MAPKAPK2: variants seen among roughly 807,000 people sequenced by gnomAD.
MAPKAPK2 encodes the protein MAP kinase-activated protein kinase 2.
Under a neutral mutation model 48.8 loss-of-function variants are expected in MAPKAPK2, and 9 were observed. The ratio of observed to expected loss-of-function variants is 0.18; its 90% CI spans 0.11 to 0.32. The LOEUF is 0.32. Among genes scored for constraint, MAPKAPK2 ranks in the 10% least tolerant of loss-of-function variants. MAPKAPK2 has a pLI of 1.00. For synonymous variants in MAPKAPK2, 202 were observed against 190.6 expected, an observed-to-expected ratio of 1.06 and a Z score of -0.49; for missense variants, 331 against 498.3, an observed-to-expected ratio of 0.66 and a Z score of 3.20.
chr1:206,729,007 T>G (rs1267105256), intron 2 of MAPKAPK2, 28 bp from the exon 3 acceptor site: 40 of 1,613,850 alleles, frequency 2.5e-5, no homozygotes, highest in African/African-American at 2.7e-5. Flanking sequence ...TGTTGTGTTC[T>G]CTGGATCTCA....
chr1:206,715,697 G>A (rs1446502296), intron 1 of MAPKAPK2, among the ~76,000 whole-genome samples: 1 of 136,582 alleles, frequency 7.3e-6, no homozygotes, highest in African/African-American at 2.8e-5. Flanking sequence ...TACGATCATT[G>A]GCTCACTGCA....
chr1:206,729,065 C>A lies in MAPKAPK2; in HGVS notation c.450C>A (p.Ile150=), dbSNP rs373917585. 1.9e-6 allele frequency: 3 copies of A among 1,614,058 alleles called. No individual in the cohort carries two copies. The highest frequency in any genetic ancestry group is 2.5e-6 in the Non-Finnish European group (3 of 1,180,044). Residue 150 remains isoleucine (I), a synonymous_variant, in exon 3 of 10, where the codon ATC becomes ATA. Transcript: ENST00000367103. ...CLDGGELFSR[I]QDRGDQAFTE... is the part of the protein sequence containing the mutation. The stretch of plus-strand genomic sequence containing the variant: ...ACGGTGGAGAACTCTTTAGCCGAAT[C>A]CAGGATCGAGGAGACCAGGCATTCA...
intron 1 of MAPKAPK2, among the ~76,000 whole-genome samples, chr1:206,688,469 G>T (rs1672351161): frequency 6.6e-6 from 1 of 152,176 alleles, no homozygotes; most frequent in African/African-American, 2.4e-5. Flanking sequence ...GGTCAGCGAA[G>T]GGGGCTGGAT....
chr1:206,715,553 C>T (rs1426931279), intron 1 of MAPKAPK2, among the ~76,000 whole-genome samples: 1 of 150,946 alleles, frequency 6.6e-6, no homozygotes, highest in East Asian at 1.9e-4. Flanking sequence ...AATGCATTCC[C>T]TTTTGGGATC....
chr1:206,688,975 T>A (rs1161434404), intron 1 of MAPKAPK2, among the ~76,000 whole-genome samples: 1 of 152,154 alleles, frequency 6.6e-6, no homozygotes, highest in African/African-American at 2.4e-5. Context: ...TCAACCCACT[T>A]GTGTATTAAT....
chr1:206,708,757 G>A lies in MAPKAPK2; in HGVS notation c.280-19953G>A, dbSNP rs116857435. On this transcript the variant is annotated intron_variant, in intron 1 of 9. Transcript: ENST00000367103. The stretch of plus-strand genomic sequence containing the variant: ...GTTTTATTACCTAATTAATTCCCTC[G>A]TGTTGTTTCCCAATCATCCCAACAC... 3.5e-3 allele frequency among the ~76,000 whole-genome samples: 539 copies of A among 152,198 alleles called. 3 individuals are homozygous for A. Among genetic ancestry groups the A allele is most frequent in the Non-Finnish European group, 4.1e-3 (280 of 68,024 alleles).
At chr1:206,685,619 G>A in intron 1 of MAPKAPK2, 111 bp downstream of exon 1, 1 of 854,204 alleles carries the variant, frequency 1.2e-6, no homozygotes, top group Non-Finnish European at 1.4e-6. Context: ...AGGGGTGGCC[G>A]CGGCGGGGCG....
chr1:206,711,046 A>G (rs1226893448), intron 1 of MAPKAPK2, among the ~76,000 whole-genome samples: 1 of 152,184 alleles, frequency 6.6e-6, no homozygotes, highest in Non-Finnish European at 1.5e-5. Flanking sequence ...CTCATTGGTG[A>G]TTAGGGTTGC....
chr1:206,690,093 G>A (rs1376971651), intron 1 of MAPKAPK2, among the ~76,000 whole-genome samples: 1 of 152,224 alleles, frequency 6.6e-6, no homozygotes, highest in Non-Finnish European at 1.5e-5. Flanking sequence ...GTGGTCAGGG[G>A]TTGGTGGCTC....
rs545910954 is a variant in MAPKAPK2, at chr1:206,732,802, C to T, written c.*84C>T. On this transcript the variant is annotated 3_prime_UTR_variant, in exon 10 of 10. Coordinates refer to ENST00000367103, the MANE Select transcript of MAPKAPK2 (RefSeq NM_032960.4). This position sits in a 1 kb window ranked among gnomAD's most constrained non-coding sequence, Gnocchi z 4.4. The stretch of plus-strand genomic sequence containing the variant: ...TTTTAAACGAAGAGACAGAACTGTC[C>T]ACATCTGCCTCCTCTCCTCCTCAGC... 6.8e-7 allele frequency: 1 copy of T among 1,467,794 alleles called. No individual in the cohort carries two copies. The highest frequency in any genetic ancestry group is 2.3e-5 in the East Asian group (1 of 43,650). 90.9% of individuals were successfully genotyped at this position (1,467,794 alleles called of 1,614,324 possible).
At chr1:206,701,703 G>A (rs980038496) in intron 1 of MAPKAPK2, among the ~76,000 whole-genome samples, 13 of 151,664 alleles carry the variant, frequency 8.6e-5, no homozygotes, top group Admixed American at 1.3e-4. Flanking sequence ...GCGTGGTGGC[G>A]TACACACATG....
chr1:206,699,098 G>A (rs1245272209), intron 1 of MAPKAPK2, among the ~76,000 whole-genome samples: 6 of 152,214 alleles, frequency 3.9e-5, no homozygotes, highest in African/African-American at 1.4e-4. Context: ...GAAACATACA[G>A]TTTAGAGGAA....
chr1:206,728,734 C>A lies in MAPKAPK2; in HGVS notation c.304C>A (p.Arg102Ser). 6.2e-7 allele frequency: 1 copy of A among 1,614,106 alleles called. No individual in the cohort carries two copies. The highest frequency in any genetic ancestry group is 8.5e-7 in the Non-Finnish European group (1 of 1,180,026). The part of the protein sequence containing the change: ...LKMLQDCPKA[R>S]REVELHWRAS... ...GATGCTTCAGGACTGCCCCAAGGCC[C>A]GCAGGGAGGTGGAGCTGCACTGGCG... Residue 102 changes from arginine (R) to serine (S), a missense_variant, in exon 2 of 10, where the codon CGC becomes AGC. Arg to Ser is a moderately radical substitution (Grantham distance 110). Coordinates refer to ENST00000367103, the MANE Select transcript of MAPKAPK2 (RefSeq NM_032960.4).
At chr1:206,729,350 G>A (rs1287709398) in intron 3 of MAPKAPK2, 46 bp from the exon 4 acceptor site, 1 of 1,508,168 alleles carries the variant, frequency 6.6e-7, no homozygotes, top group African/African-American at 1.4e-5. Flanking sequence ...CTAATGATGT[G>A]TCTTTGTGAC....
rs117785066 is a variant in MAPKAPK2, at chr1:206,715,551, C to G, written c.280-13159C>G. 4.9e-4 allele frequency among the ~76,000 whole-genome samples: 75 copies of G among 151,864 alleles called. No individual in the cohort carries two copies. In the East Asian group the frequency reaches 0.013, roughly 26 times the overall value. On this transcript the variant is annotated intron_variant, in intron 1 of 9. Coordinates refer to ENST00000367103, the MANE Select transcript of MAPKAPK2 (RefSeq NM_032960.4). ...TGGACCTTGTCTTTCAAAATGCATT[C>G]CCTTTTGGGATCTCTGCCCATCATA...
At position 206,691,504 on chromosome 1, in the gene MAPKAPK2, T is replaced by TATAC. The variant is rs1424297313; in HGVS notation, c.279+5997_279+5998insTACA. Among the ~76,000 whole-genome samples the TATAC allele has an allele frequency of 2.7e-4, 30 of 112,140 alleles. 1 individual carries two copies. Among genetic ancestry groups the TATAC allele is most frequent in the African/African-American group, 5.8e-4 (19 of 32,636 alleles). The allele number at this position is 112,140 out of a possible 152,430, so 73.6% of individuals were successfully genotyped here. ...TAAGATATATATATATATATATATA[T>TATAC]ACACACATACACAGATATAGATATG... On this transcript the variant is annotated intron_variant, in intron 1 of 9. Transcript: ENST00000367103.
Position 206,729,377 on chromosome 1 carries a change from T to C in MAPKAPK2, c.485-19T>C. ...CTTTGTGACTTTCTTTCCCACTCAC[T>C]CTTCCCTCCCCTCTACAGAAGCATC... On this transcript the variant is annotated intron_variant, in intron 3 of 9. Coordinates refer to ENST00000367103, the MANE Select transcript of MAPKAPK2 (RefSeq NM_032960.4). The C allele has an allele frequency of 6.2e-7, 1 of 1,600,624 alleles. No homozygotes were observed. The highest frequency in any genetic ancestry group is 8.6e-7 in the Non-Finnish European group (1 of 1,167,828).
intron 1 of MAPKAPK2, among the ~76,000 whole-genome samples, chr1:206,722,116 T>A (rs1351267725): frequency 6.8e-6 from 1 of 148,142 alleles, no homozygotes; most frequent in Non-Finnish European, 1.5e-5. Flanking sequence ...ATCCCAGCAC[T>A]TTGGGAGGCC....
At chr1:206,713,028 G>A (rs1410037316) in intron 1 of MAPKAPK2, among the ~76,000 whole-genome samples, 4 of 146,826 alleles carry the variant, frequency 2.7e-5, no homozygotes, top group Non-Finnish European at 6.0e-5. Context: ...CACTGAAGTT[G>A]TTCTTTGGGT....
Sources: allele counts gnomAD v4.1 joint callset (sites outside exome capture counted in the v4.1 genomes callset), GRCh38; gene constraint gnomAD v4.1.1; non-coding constraint Gnocchi (gnomAD v3.1); transcripts MANE v1.5; gene names NCBI Gene and HGNC (gene_info 2026-07-23, HGNC 2026-07-21).